Variants in RETREG1 observed in about 807,000 individuals in gnomAD.
The protein encoded by RETREG1 is family with sequence similarity 134 member B.
Under a neutral mutation model 54.8 loss-of-function variants are expected in RETREG1, and 44 were observed. The ratio of observed to expected loss-of-function variants is 0.80; its 90% CI spans 0.63 to 1.03. RETREG1 has a LOEUF of 1.03. Among genes scored for constraint, RETREG1 ranks in the 50% least tolerant of loss-of-function variants. The pLI is 0.00. For synonymous variants in RETREG1, 217 were observed against 238.5 expected, an observed-to-expected ratio of 0.91 and a Z score of 0.83; for missense variants, 554 against 605.1, an observed-to-expected ratio of 0.92 and a Z score of 0.89.
intron 5 of RETREG1, among the ~76,000 whole-genome samples, chr5:16,480,272 CTAAT>C (rs1457808363): frequency 2.0e-5 from 3 of 151,922 alleles, no homozygotes; most frequent in Non-Finnish European, 2.9e-5. Flanking sequence ...TCTACTCAGT[CTAAT>C]TATTTTGAGA....
At chr5:16,615,171 A>G (rs1743460362) in intron 1 of RETREG1, among the ~76,000 whole-genome samples, 1 of 152,004 alleles carries the variant, frequency 6.6e-6, no homozygotes, top group African/African-American at 2.4e-5. Flanking sequence ...GCCGAGGCGG[A>G]CGGATCACGA....
intron 2 of RETREG1, among the ~76,000 whole-genome samples, chr5:16,568,774 A>C (rs1742091589): frequency 6.6e-6 from 1 of 152,206 alleles, no homozygotes; most frequent in East Asian, 1.9e-4. Context: ...GGGATCTGCT[A>C]TACAACAACA....
At chr5:16,608,343 TGA>T (rs1743251553) in intron 1 of RETREG1, among the ~76,000 whole-genome samples, 1 of 152,182 alleles carries the variant, frequency 6.6e-6, no homozygotes, top group South Asian at 2.1e-4. Flanking sequence ...ACCCTCAGTG[TGA>T]GTCAGGAGAG....
intron 3 of RETREG1, among the ~76,000 whole-genome samples, chr5:16,484,291 C>A (rs774075163): frequency 2.6e-5 from 4 of 152,110 alleles, no homozygotes; most frequent in Non-Finnish European, 4.4e-5. Flanking sequence ...CCTAACATTA[C>A]AATGACATAA....
At chr5:16,557,262 G>C (rs1561119396) in intron 3 of RETREG1, among the ~76,000 whole-genome samples, 1 of 152,342 alleles carries the variant, frequency 6.6e-6, no homozygotes, top group East Asian at 1.9e-4. Flanking sequence ...TGAGAGAAAA[G>C]AGTGGCCCTT....
chr5:16,579,540 C>A (rs1742426904), intron 1 of RETREG1, among the ~76,000 whole-genome samples: 1 of 152,158 alleles, frequency 6.6e-6, no homozygotes, highest in Admixed American at 6.5e-5. Flanking sequence ...TGCATAATGA[C>A]ATATATCCAC....
Position 16,496,510 on chromosome 5 carries a change from T to G in RETREG1, c.459-13038A>C, listed in dbSNP as rs546830637. Among the ~76,000 whole-genome samples, 5 of 152,166 alleles carry G rather than the reference T, an allele frequency of 3.3e-5. No individual in the cohort carries two copies. In the East Asian group the frequency reaches 9.7e-4, roughly 29 times the overall value. On this transcript the variant is annotated intron_variant, in intron 3 of 8. Transcript: ENST00000306320. ...GTTGCCTGTGCAACTTCCATTCACC[T>G]CCCACTGGCTGGAACATAGAAACAT... is the stretch of plus-strand genomic sequence containing the variant.
intron 3 of RETREG1, among the ~76,000 whole-genome samples, chr5:16,562,008 C>G (rs1741868470): frequency 6.6e-6 from 1 of 152,258 alleles, no homozygotes; most frequent in South Asian, 2.1e-4. Context: ...AATGAGGTAA[C>G]CCAGGCATAC....
chr5:16,598,806 G>T (rs1742971149), intron 1 of RETREG1, among the ~76,000 whole-genome samples: 1 of 152,150 alleles, frequency 6.6e-6, no homozygotes, highest in Admixed American at 6.6e-5. Context: ...TTCAATGTCA[G>T]ATCAAGGTAG....
At position 16,616,645 on chromosome 5, in the gene RETREG1, C is replaced by T. The variant is rs775401160; in HGVS notation, c.320+7G>A. The T allele has an allele frequency of 6.3e-7, 1 of 1,589,442 alleles. No homozygotes were observed. Among genetic ancestry groups the T allele is most frequent in the Admixed American group, 1.7e-5 (1 of 58,648 alleles). ...CCTCAGCGCCCCCACCTTGCCCAAG[C>T]TCTCACCAGAACAGCAGGTTGGCAG... is the stretch of plus-strand genomic sequence containing the variant. On this transcript the variant is annotated splice_region_variant and intron_variant, in intron 1 of 8. Coordinates refer to ENST00000306320, the MANE Select transcript of RETREG1 (RefSeq NM_001034850.3).
At chr5:16,579,572 AG>A (rs1215151932) in intron 1 of RETREG1, among the ~76,000 whole-genome samples, 6 of 152,176 alleles carry the variant, frequency 3.9e-5, no homozygotes, top group Admixed American at 3.9e-4. Flanking sequence ...CATACAGAAT[AG>A]TTTTCTGGCC....
intron 3 of RETREG1, chr5:16,508,940 C>A: frequency 8.5e-7 from 1 of 1,177,918 alleles, no homozygotes; most frequent in South Asian, 2.4e-5. Flanking sequence ...AGCTGCCCCG[C>A]ATTCTCTCTC....
intron 3 of RETREG1, among the ~76,000 whole-genome samples, chr5:16,552,175 G>T (rs1002006858): frequency 6.6e-6 from 1 of 152,188 alleles, no homozygotes; most frequent in South Asian, 2.1e-4. Flanking sequence ...TGTGGAAGAC[G>T]TTCTTTAGCA....
intron 3 of RETREG1, among the ~76,000 whole-genome samples, chr5:16,513,254 C>A (rs1238350422): frequency 3.3e-5 from 5 of 152,158 alleles, no homozygotes; most frequent in Non-Finnish European, 5.9e-5. Flanking sequence ...ATCTAGAACT[C>A]CAGCCAATTT....
chr5:16,493,905 C>A (rs1169410226), intron 3 of RETREG1, among the ~76,000 whole-genome samples: 3 of 152,182 alleles, frequency 2.0e-5, no homozygotes, highest in Non-Finnish European at 4.4e-5. Context: ...AAGGCCAATT[C>A]AAATTATTTT....
intron 3 of RETREG1, among the ~76,000 whole-genome samples, chr5:16,507,098 CA>C (rs1469731106): frequency 6.6e-6 from 1 of 152,098 alleles, no homozygotes; most frequent in Non-Finnish European, 1.5e-5. Flanking sequence ...ACTGTTGGTT[CA>C]AAATATTTAT....
intron 1 of RETREG1, among the ~76,000 whole-genome samples, chr5:16,600,557 C>A (rs985786836): frequency 6.6e-6 from 1 of 152,206 alleles, no homozygotes; most frequent in Admixed American, 6.5e-5. Context: ...TGGCACAGCT[C>A]CCAGAACACT....
intron 3 of RETREG1, among the ~76,000 whole-genome samples, chr5:16,492,145 A>G (rs1351608636): frequency 6.7e-6 from 1 of 149,560 alleles, no homozygotes; most frequent in Non-Finnish European, 1.5e-5. Flanking sequence ...TTTGCTTTTC[A>G]AGTTTTTGTA....
chr5:16,553,444 A>T (rs1391827626), intron 3 of RETREG1, among the ~76,000 whole-genome samples: 1 of 152,032 alleles, frequency 6.6e-6, no homozygotes, highest in East Asian at 1.9e-4. Flanking sequence ...ATAAATATTC[A>T]TACTTGGTTT....
Sources: allele counts gnomAD v4.1 joint callset (sites outside exome capture counted in the v4.1 genomes callset), GRCh38; gene constraint gnomAD v4.1.1; transcripts MANE v1.5; gene names NCBI Gene and HGNC (gene_info 2026-07-23, HGNC 2026-07-21).